The following PRTG variants were observed in gnomAD, a reference collection of about 807,000 sequenced individuals.
The protein encoded by PRTG is immunoglobulin superfamily, DCC subclass, member 5.
PRTG carries 67 observed loss-of-function variants against 122.5 expected under a neutral mutation model. That is an observed-to-expected ratio of 0.55 (90% CI 0.45 to 0.67). The LOEUF (loss-of-function observed/expected upper bound fraction) is 0.67. Among genes scored for constraint, PRTG ranks in the 30% least tolerant of loss-of-function variants. PRTG has a pLI of 0.00. For synonymous variants in PRTG, 554 were observed against 501.1 expected (o/e 1.11, Z -1.41); for missense variants, 1,435 against 1,415.4 (o/e 1.01, Z -0.22).
At chr15:55,624,583 C>G (rs1261263783) in intron 17 of PRTG, 76 bp from the exon 18 acceptor site, 1 of 1,266,338 alleles carries the variant, frequency 7.9e-7, no homozygotes, top group Non-Finnish European at 1.1e-6. Context: ...GGCCTATCAA[C>G]AAAACTTTGT....
At chr15:55,740,153 A>G (rs1352722889) in intron 2 of PRTG, among the ~76,000 whole-genome samples, 1 of 152,172 alleles carries the variant, frequency 6.6e-6, no homozygotes, top group Non-Finnish European at 1.5e-5. Context: ...TACAGGTTTC[A>G]TTTTACTTGG....
chr15:55,691,073 T>C (rs1986012), intron 2 of PRTG, among the ~76,000 whole-genome samples: 35,072 of 151,796 alleles, frequency 0.23, 5,407 homozygotes, highest in East Asian at 0.66. Flanking sequence ...TTCAGGTGGA[T>C]CACCTGAGGT....
intron 2 of PRTG, among the ~76,000 whole-genome samples, chr15:55,723,011 T>C (rs1349061362): frequency 3.3e-5 from 5 of 152,242 alleles, no homozygotes; most frequent in South Asian, 4.1e-4. Flanking sequence ...GAAAAGAATG[T>C]TTCCCCTGAC....
At chr15:55,700,228 G>C in intron 2 of PRTG, among the ~76,000 whole-genome samples, 1 of 152,076 alleles carries the variant, frequency 6.6e-6, no homozygotes, top group East Asian at 1.9e-4. Flanking sequence ...TCAACAAACT[G>C]TACTTGAACA....
At chr15:55,706,330 G>A (rs1019049101) in intron 2 of PRTG, among the ~76,000 whole-genome samples, 2 of 151,994 alleles carry the variant, frequency 1.3e-5, no homozygotes, top group Non-Finnish European at 2.9e-5. Flanking sequence ...AAGGTGGAAG[G>A]ATATCAAGGG....
At chr15:55,732,069 T>C (rs12591246) in intron 2 of PRTG, among the ~76,000 whole-genome samples, 30,901 of 152,182 alleles carry the variant, frequency 0.2, 3,811 homozygotes, top group East Asian at 0.59. Flanking sequence ...TCTAAACATA[T>C]GTAAGCACAG....
intron 2 of PRTG, among the ~76,000 whole-genome samples, chr15:55,694,887 C>A (rs1294786074): frequency 6.6e-6 from 1 of 152,188 alleles, no homozygotes; most frequent in Non-Finnish European, 1.5e-5. Flanking sequence ...TGAAACCTGA[C>A]CTCTCTCTTC....
In PRTG at chr15:55,740,363, T is replaced by G. The variant is rs2031568918; in HGVS notation, c.397+19A>C. On this transcript the variant is annotated intron_variant, in intron 2 of 19. Coordinates refer to ENST00000389286, the MANE Select transcript of PRTG (RefSeq NM_173814.6). ...TGTAGCAATGAAAAATGTCAACAAC[T>G]AAAAACTTAAACACTTACTTGATAA... 1.3e-6 allele frequency: 2 copies of G among 1,559,722 alleles called. No individual in the cohort carries two copies. Among genetic ancestry groups the G allele is most frequent in the Non-Finnish European group, 1.7e-6 (2 of 1,155,254 alleles).
At chr15:55,638,496 C>T in intron 14 of PRTG, 53 bp downstream of exon 14, 1 of 1,419,004 alleles carries the variant, frequency 7.0e-7, no homozygotes, top group Non-Finnish European at 9.6e-7. Context: ...ATTTTTAAAA[C>T]ATTTCCTTAA....
In PRTG at chr15:55,612,861, A is replaced by G. The variant is rs904195071; in HGVS notation, c.*7151T>C. On this transcript the variant is annotated 3_prime_UTR_variant, in exon 20 of 20. Coordinates refer to ENST00000389286, the MANE Select transcript of PRTG (RefSeq NM_173814.6). ...ACATATGAGTGTTTCCATTTCAGCTATATCTTTTACCAACCACTTTCTTCT... is the reference window on the plus strand; with the variant it reads ...ACATATGAGTGTTTCCATTTCAGCTGTATCTTTTACCAACCACTTTCTTCT... 2.6e-5 allele frequency: 4 copies of G among 151,436 alleles called. No homozygotes were observed. Among genetic ancestry groups the G allele is most frequent in the South Asian group, 2.1e-4 (1 of 4,786 alleles). The allele number at this position is 151,436 out of a possible 1,614,324, so 9.4% of individuals were successfully genotyped here. A position where few individuals can be genotyped will look rare whatever the true frequency, so the allele number is the denominator to read the frequency against.
intron 2 of PRTG, among the ~76,000 whole-genome samples, chr15:55,729,532 T>A (rs1419369880): frequency 2.0e-5 from 3 of 151,878 alleles, no homozygotes; most frequent in Non-Finnish European, 4.4e-5. Flanking sequence ...CTCAGCAGAC[T>A]GAGGCAGGAG....
At chr15:55,737,701 T>C (rs1485962289) in intron 2 of PRTG, among the ~76,000 whole-genome samples, 1 of 152,170 alleles carries the variant, frequency 6.6e-6, no homozygotes, top group African/African-American at 2.4e-5. Context: ...ATGGAATTCT[T>C]GCCTAGAGTG....
chr15:55,665,550 CTT>C (rs781741169), intron 11 of PRTG, among the ~76,000 whole-genome samples: 6 of 110,638 alleles, frequency 5.4e-5, no homozygotes, highest in Non-Finnish European at 9.4e-5. Flanking sequence ...AAAATTTTTT[CTT>C]TTTTTTTTTT....
chr15:55,685,496 G>A (rs1002033078), intron 2 of PRTG, among the ~76,000 whole-genome samples: 10 of 152,048 alleles, frequency 6.6e-5, no homozygotes, highest in Non-Finnish European at 5.9e-5. Flanking sequence ...TTGAATATAC[G>A]GTGTTTTCCA....
Position 55,675,539 on chromosome 15 carries a change from G to C in PRTG, c.1526C>G (p.Thr509Arg). The C allele has an allele frequency of 2.5e-6, 4 of 1,611,236 alleles. No homozygotes were observed. The highest frequency in any genetic ancestry group is 3.4e-6 in the Non-Finnish European group (4 of 1,178,172). The change falls in exon 9 of 20, where the codon ACA (threonine) becomes AGA (arginine). Residue 509 changes from threonine (T) to arginine (R), a missense_variant. Coordinates refer to ENST00000389286, the MANE Select transcript of PRTG (RefSeq NM_173814.6). ...CTTACCATCCTCTAGAGTATTCTGT[G>C]TCACATGGTCAGACATCTGGCTGGC... The part of the protein sequence containing the change: ...MGASQMSDHV[T>R]QNTLEDVPLR...
At chr15:55,664,706 C>T (rs1421605684) in intron 11 of PRTG, among the ~76,000 whole-genome samples, 2 of 152,144 alleles carry the variant, frequency 1.3e-5, no homozygotes, top group African/African-American at 2.4e-5. Flanking sequence ...CCTGCCTCAA[C>T]CTCCTGTGTA....
At chr15:55,652,200 T>C (rs1156692377) in intron 11 of PRTG, among the ~76,000 whole-genome samples, 2 of 152,098 alleles carry the variant, frequency 1.3e-5, no homozygotes, top group African/African-American at 4.8e-5. Flanking sequence ...AATCGTCGAA[T>C]TAGAATATAT....
chr15:55,629,107 A>G, intron 15 of PRTG, 103 bp from the exon 16 acceptor site: 2 of 685,260 alleles, frequency 2.9e-6, no homozygotes, highest in Non-Finnish European at 4.6e-6. Context: ...TTTTCTGATT[A>G]TAAAGATGAC....
At chr15:55,661,338 G>A (rs925547001) in intron 11 of PRTG, among the ~76,000 whole-genome samples, 18 of 152,048 alleles carry the variant, frequency 1.2e-4, no homozygotes, top group African/African-American at 3.6e-4. Flanking sequence ...CATCCCAACT[G>A]GTATTTCACC....
Sources: gnomAD v4.1 joint callset for allele counts (sites outside exome capture counted in the v4.1 genomes callset) on GRCh38, gnomAD v4.1.1 for gene constraint, MANE v1.5 for transcripts, NCBI Gene and HGNC (gene_info 2026-07-23, HGNC 2026-07-21) for gene names.